Variants in PHLDB2 observed in about 807,000 individuals in gnomAD.
PHLDB2 encodes pleckstrin homology-like domain family B member 2.
A neutral mutation model predicts 123.6 loss-of-function variants in PHLDB2; 71 were observed. The ratio of observed to expected loss-of-function variants is 0.57; its 90% CI spans 0.47 to 0.70. The LOEUF (loss-of-function observed/expected upper bound fraction) is 0.70, where lower values mean the gene tolerates loss of function less well. Among genes scored for constraint, PHLDB2 ranks in the 30% least tolerant of loss-of-function variants. PHLDB2 has a pLI of 0.00. For synonymous variants in PHLDB2, 547 were observed against 541.6 expected (o/e 1.01, Z -0.14); for missense variants, 1,446 against 1,519.5 (o/e 0.95, Z 0.80).
chr3:111,871,106 C>T (rs537312782), intron 1 of PHLDB2, among the ~76,000 whole-genome samples: 1 of 152,270 alleles, frequency 6.6e-6, no homozygotes, highest in Non-Finnish European at 1.5e-5. Flanking sequence ...TTTTCTATCA[C>T]TTGCTCTTGC....
chr3:111,836,947 A>T (rs768685767), intron 1 of PHLDB2, among the ~76,000 whole-genome samples: 2 of 152,180 alleles, frequency 1.3e-5, no homozygotes, highest in African/African-American at 2.4e-5. Context: ...AATCTACATT[A>T]TTCAGGTGGA....
chr3:111,919,216 G>A lies in PHLDB2; in HGVS notation c.1863+1G>A. 6.2e-7 allele frequency: 1 copy of A among 1,613,896 alleles called. No individual in the cohort carries two copies. The highest frequency in any genetic ancestry group is 8.5e-7 in the Non-Finnish European group (1 of 1,179,800). ...TCAGATGGATGAGTCTTTCAGAGAGGTAAACTTTTTACCCTCTTCCCTTTT... is the reference window on the plus strand; with the variant it reads ...TCAGATGGATGAGTCTTTCAGAGAGATAAACTTTTTACCCTCTTCCCTTTT... On this transcript the variant is annotated splice_donor_variant, in intron 4 of 17. Transcript: ENST00000431670. LOFTEE classifies it high-confidence loss of function.
At chr3:111,922,153 C>T (rs1559904917) in intron 5 of PHLDB2, among the ~76,000 whole-genome samples, 1 of 152,174 alleles carries the variant, frequency 6.6e-6, no homozygotes, top group African/African-American at 2.4e-5. Flanking sequence ...TTGGAAAACT[C>T]GTGCAACATA....
intron 2 of PHLDB2, among the ~76,000 whole-genome samples, chr3:111,906,426 C>G (rs549631776): frequency 6.6e-6 from 1 of 152,110 alleles, no homozygotes; most frequent in Non-Finnish European, 1.5e-5. Flanking sequence ...GCTGCAGAAC[C>G]CAGATTCAGA....
chr3:111,859,847 G>C (rs1225115151), intron 1 of PHLDB2: 1 of 985,942 alleles, frequency 1.0e-6, no homozygotes, highest in Non-Finnish European at 1.2e-6. Flanking sequence ...CGGCGCCAGC[G>C]TAGAGCGGCG....
At chr3:111,966,527 G>GGT (rs3217516) in intron 13 of PHLDB2, 86 bp from the exon 14 acceptor site, 70,640 of 614,790 alleles carry the variant, frequency 0.11, 3,113 homozygotes, top group African/African-American at 0.27. Context: ...GTGTGTCTGG[G>GGT]GTGTGTGTGT....
intron 12 of PHLDB2, among the ~76,000 whole-genome samples, chr3:111,954,965 G>A (rs191046678): frequency 1.6e-3 from 238 of 152,110 alleles, no homozygotes; most frequent in African/African-American, 5.0e-3. Flanking sequence ...GCTGGAATTC[G>A]ATTCTAGCTC....
In PHLDB2 at chr3:111,843,881, T is replaced by C. The variant is rs118189034; in HGVS notation, c.-48-1940T>C. Among the ~76,000 whole-genome samples the C allele has an allele frequency of 5.9e-5, 9 of 152,296 alleles. No individual in the cohort carries two copies. In the East Asian group the frequency reaches 1.5e-3, roughly 26 times the overall value. On this transcript the variant is annotated intron_variant, in intron 1 of 17. Transcript: ENST00000393923. ...ATGGAAGTTTATATTTCAACAGTTA[T>C]CTCCTAAATAGTACACTTTCAATGG...
chr3:111,968,582 C>T (rs2071962681), intron 15 of PHLDB2, among the ~76,000 whole-genome samples: 1 of 152,158 alleles, frequency 6.6e-6, no homozygotes, highest in Non-Finnish European at 1.5e-5. Flanking sequence ...ATTCACTAGA[C>T]TCAAAGGCAA....
At chr3:111,969,133 T>C (rs1168305371) in intron 15 of PHLDB2, among the ~76,000 whole-genome samples, 2 of 152,228 alleles carry the variant, frequency 1.3e-5, no homozygotes, top group East Asian at 1.9e-4. Context: ...TCTGTCTTTA[T>C]GTTAGCTTTA....
chr3:111,749,454 T>C (rs138843782), intron 1 of PHLDB2, among the ~76,000 whole-genome samples: 1 of 152,242 alleles, frequency 6.6e-6, no homozygotes, highest in East Asian at 1.9e-4. Context: ...AAGATTTGTA[T>C]GTTTTGTTGG....
chr3:111,859,532 G>A lies in PHLDB2; in HGVS notation c.-59G>A. The stretch of plus-strand genomic sequence containing the variant: ...CGGTGTGGCGTGGCGCAAGGAGCGC[G>A]CCTGCCTTCTCTCGCCGCCGGGAAC... On this transcript the variant is annotated 5_prime_UTR_variant, in exon 1 of 18. Transcript: ENST00000431670. 1.0e-6 allele frequency: 1 copy of A among 985,610 alleles called. No homozygotes were observed. The highest frequency in any genetic ancestry group is 1.2e-6 in the Non-Finnish European group (1 of 830,044). The allele number at this position is 985,610 out of a possible 1,614,324, so 61.1% of individuals were successfully genotyped here. A position where few individuals can be genotyped will look rare whatever the true frequency, so the allele number is the denominator to read the frequency against.
intron 3 of PHLDB2, 27 bp downstream of exon 3, chr3:111,913,729 G>A (rs767043644): frequency 4.4e-6 from 7 of 1,578,948 alleles, no homozygotes; most frequent in Non-Finnish European, 5.2e-6. Flanking sequence ...AAAGATACTA[G>A]GATTTAAGGT....
chr3:111,923,128 C>T (rs2068615272), intron 5 of PHLDB2, among the ~76,000 whole-genome samples: 1 of 152,078 alleles, frequency 6.6e-6, no homozygotes, highest in Non-Finnish European at 1.5e-5. Flanking sequence ...ACTGTGTCTC[C>T]TTTTCTTCAT....
chr3:111,827,041 A>AG (rs1215312582), intron 1 of PHLDB2, among the ~76,000 whole-genome samples: 2 of 152,228 alleles, frequency 1.3e-5, no homozygotes. Flanking sequence ...AATGTCCAAG[A>AG]GAAAAAAGGA....
At position 111,933,653 on chromosome 3, in the gene PHLDB2, C is replaced by G. The variant is rs1345048255; in HGVS notation, c.2130+1256C>G. On this transcript the variant is annotated intron_variant, in intron 6 of 17. Transcript: ENST00000431670. Reference sequence around the variant, plus strand: ...TGTTGTAAGAAGATAAAACTTCCTGCCTCTCAGTCACAATTCTCTGAAAAT... The same window carrying G: ...TGTTGTAAGAAGATAAAACTTCCTGGCTCTCAGTCACAATTCTCTGAAAAT... 1.3e-5 allele frequency among the ~76,000 whole-genome samples: 2 copies of G among 152,116 alleles called. 1 individual carries two copies. Among genetic ancestry groups the G allele is most frequent in the Non-Finnish European group, 2.9e-5 (2 of 68,002 alleles).
At chr3:111,919,996 C>G (rs986498060) in intron 4 of PHLDB2, among the ~76,000 whole-genome samples, 2 of 152,118 alleles carry the variant, frequency 1.3e-5, no homozygotes, top group African/African-American at 4.8e-5. Flanking sequence ...TGAGCTGAAG[C>G]AAATAGGCAA....
chr3:111,939,753 A>AGACT, intron 7 of PHLDB2, 123 bp downstream of exon 7: 1 of 978,548 alleles, frequency 1.0e-6, no homozygotes, highest in Non-Finnish European at 1.5e-6. Flanking sequence ...TGTATGTGGC[A>AGACT]AATGGTGTTC....
At chr3:111,935,447 G>A (rs1312325688) in intron 6 of PHLDB2, among the ~76,000 whole-genome samples, 2 of 152,022 alleles carry the variant, frequency 1.3e-5, no homozygotes, top group South Asian at 2.1e-4. Context: ...AATAAGGAGT[G>A]TATTAGTCAG....
Sources: gnomAD v4.1 joint callset for allele counts (sites outside exome capture counted in the v4.1 genomes callset) on GRCh38, gnomAD v4.1.1 for gene constraint, MANE v1.5 for transcripts, NCBI Gene and HGNC (gene_info 2026-07-23, HGNC 2026-07-21) for gene names.